Variants in GRM7 observed in about 807,000 individuals in gnomAD.
GRM7 encodes the protein glutamate metabotropic receptor 7, also known as metabotropic glutamate receptor 7.
Under a neutral mutation model 84.5 loss-of-function variants are expected in GRM7, and 35 were observed. That is an observed-to-expected ratio of 0.41 (90% CI 0.32 to 0.55). GRM7 has a LOEUF of 0.55. Among genes scored for constraint, GRM7 ranks in the 20% least tolerant of loss-of-function variants. The pLI, the probability that GRM7 is intolerant of heterozygous loss-of-function variation, is 0.19. For synonymous variants in GRM7, 487 were observed against 455.1 expected, an observed-to-expected ratio of 1.07 and a Z score of -0.89; for missense variants, 1,003 against 1,194.6, an observed-to-expected ratio of 0.84 and a Z score of 2.36.
intron 7 of GRM7, among the ~76,000 whole-genome samples, chr3:7,464,982 C>T (rs761967786): frequency 6.6e-5 from 10 of 152,156 alleles, no homozygotes; most frequent in South Asian, 6.2e-4. Context: ...GGCGAGAGTG[C>T]GAGACTCTGT....
chr3:7,409,061 T>A (rs559675583), intron 4 of GRM7, among the ~76,000 whole-genome samples: 1 of 152,334 alleles, frequency 6.6e-6, no homozygotes, highest in African/African-American at 2.4e-5. Context: ...TCTGTTCCAA[T>A]GATAAATTGA....
At chr3:7,046,811 C>A (rs1385751063) in intron 1 of GRM7, among the ~76,000 whole-genome samples, 1 of 152,066 alleles carries the variant, frequency 6.6e-6, no homozygotes, top group African/African-American at 2.4e-5. Flanking sequence ...TGAAAGCCTG[C>A]ATCAGTCATT....
chr3:7,224,451 A>G (rs1035345830), intron 2 of GRM7, among the ~76,000 whole-genome samples: 6 of 152,192 alleles, frequency 3.9e-5, no homozygotes, highest in South Asian at 4.1e-4. Flanking sequence ...ACAGTTGAAC[A>G]TGAGATTTGG....
intron 2 of GRM7, among the ~76,000 whole-genome samples, chr3:7,160,735 C>T (rs1694597584): frequency 6.6e-6 from 1 of 152,136 alleles, no homozygotes; most frequent in African/African-American, 2.4e-5. Flanking sequence ...ACTGGGAGAG[C>T]AAGTACTGGA....
At chr3:7,033,710 G>A (rs1001956506) in intron 1 of GRM7, among the ~76,000 whole-genome samples, 1 of 152,028 alleles carries the variant, frequency 6.6e-6, no homozygotes, top group Non-Finnish European at 1.5e-5. Flanking sequence ...AAGCAGAACA[G>A]GATGGCTAAC....
chr3:7,206,913 A>G (rs958894344), intron 2 of GRM7, among the ~76,000 whole-genome samples: 8 of 152,194 alleles, frequency 5.3e-5, no homozygotes, highest in Non-Finnish European at 1.0e-4. Context: ...ATGTGGATGG[A>G]GTGTCAGAGA....
rs561454396 is a variant in GRM7 at position 7,457,164 on chromosome 3, A to T, written c.1375+4357A>T. The stretch of plus-strand genomic sequence containing the variant: ...TGTTTCACTGTTACATTAGTACAAA[A>T]TTTGCTGTATAGGTAGGAGTTCTGT... On this transcript the variant is annotated intron_variant, in intron 6 of 9. Coordinates refer to ENST00000357716, the MANE Select transcript of GRM7 (RefSeq NM_000844.4). 8.5e-4 allele frequency among the ~76,000 whole-genome samples: 129 copies of T among 152,254 alleles called. 5 individuals carry two copies. The South Asian group carries it at 0.026, about 30-fold the overall frequency.
intron 1 of GRM7, among the ~76,000 whole-genome samples, chr3:6,873,183 C>T (rs552940522): frequency 1.2e-4 from 19 of 152,180 alleles, no homozygotes; most frequent in South Asian, 8.3e-4. Context: ...GCGATTCTCC[C>T]GCCTCAGTCT....
intron 2 of GRM7, among the ~76,000 whole-genome samples, chr3:7,208,844 C>G (rs1267121378): frequency 1.3e-5 from 2 of 152,096 alleles, no homozygotes; most frequent in African/African-American, 4.8e-5. Flanking sequence ...AGAATTTTCC[C>G]AAGAGGGTAT....
intron 1 of GRM7, among the ~76,000 whole-genome samples, chr3:6,997,028 G>A (rs1324388002): frequency 6.6e-6 from 1 of 152,138 alleles, no homozygotes; most frequent in Non-Finnish European, 1.5e-5. Flanking sequence ...TGATTAAAAA[G>A]CAAGAAAAAT....
chr3:7,028,050 A>G (rs1163452512), intron 1 of GRM7, among the ~76,000 whole-genome samples: 3 of 152,138 alleles, frequency 2.0e-5, no homozygotes, highest in Admixed American at 2.0e-4. Context: ...GATTCTACTT[A>G]GGTATTTGAC....
intron 8 of GRM7, among the ~76,000 whole-genome samples, chr3:7,673,369 C>T (rs987563189): frequency 5.9e-5 from 9 of 152,140 alleles, no homozygotes; most frequent in African/African-American, 2.2e-4. Context: ...CAGCAGACAT[C>T]GTGTTTATTT....
At chr3:7,561,713 A>T (rs1045550238) in intron 7 of GRM7, 4 of 356,486 alleles carry the variant, frequency 1.1e-5, no homozygotes, top group African/African-American at 2.1e-5. Context: ...AATGCAAAAA[A>T]ATAAGCAGAT....
At chr3:7,475,953 A>G (rs924807171) in intron 7 of GRM7, among the ~76,000 whole-genome samples, 1 of 152,158 alleles carries the variant, frequency 6.6e-6, no homozygotes, top group Non-Finnish European at 1.5e-5. Flanking sequence ...CTTCTGTGAA[A>G]ATTTCCCGAG....
At chr3:6,979,260 A>G (rs1334224817) in intron 1 of GRM7, among the ~76,000 whole-genome samples, 7 of 152,166 alleles carry the variant, frequency 4.6e-5, no homozygotes, top group African/African-American at 1.7e-4. Flanking sequence ...GTCAGCCATG[A>G]TCATCTCAAG....
chr3:6,920,217 A>G (rs1697077506), intron 1 of GRM7, among the ~76,000 whole-genome samples: 1 of 152,188 alleles, frequency 6.6e-6, no homozygotes, highest in African/African-American at 2.4e-5. Flanking sequence ...TTAATTAGTG[A>G]CATAGCAATA....
intron 1 of GRM7, among the ~76,000 whole-genome samples, chr3:6,946,056 T>C (rs982726768): frequency 6.6e-6 from 1 of 152,230 alleles, no homozygotes; most frequent in Non-Finnish European, 1.5e-5. Context: ...AGAAGCTCTT[T>C]AGTTTAATTA....
intron 9 of GRM7, among the ~76,000 whole-genome samples, chr3:7,731,605 G>C (rs1209444022): frequency 6.6e-6 from 1 of 152,166 alleles, no homozygotes; most frequent in African/African-American, 2.4e-5. Flanking sequence ...GCTAAAGGGA[G>C]GCCACCAGGC....
chr3:7,013,504 AT>A (rs1034400889), intron 1 of GRM7, among the ~76,000 whole-genome samples: 6 of 152,188 alleles, frequency 3.9e-5, no homozygotes, highest in African/African-American at 1.2e-4. Context: ...AAAACACTGC[AT>A]TTTTTAATTA....
Sources: allele counts gnomAD v4.1 joint callset (sites outside exome capture counted in the v4.1 genomes callset), GRCh38; gene constraint gnomAD v4.1.1; transcripts MANE v1.5; gene names NCBI Gene and HGNC (gene_info 2026-07-23, HGNC 2026-07-21).